LYPLAL1: variants seen among roughly 807,000 people sequenced by gnomAD.
The protein encoded by LYPLAL1 is lysophospholipase like 1, also known as lysophospholipase-like protein 1.
LYPLAL1 carries 23 observed loss-of-function variants against 19.7 expected under a neutral mutation model. The ratio of observed to expected loss-of-function variants is 1.17; its 90% CI spans 0.84 to 1.65. The LOEUF (loss-of-function observed/expected upper bound fraction) is 1.65. LYPLAL1 is among the 40% of genes most tolerant of loss of function. The probability of loss-of-function intolerance (pLI) is 0.00; values close to 1 mark genes in which losing one functional copy is unlikely to be tolerated. For synonymous variants in LYPLAL1, 119 were observed against 96.3 expected, an observed-to-expected ratio of 1.24 and a Z score of -1.38; for missense variants, 355 against 279.4, an observed-to-expected ratio of 1.27 and a Z score of -1.93.
chr1:219,371,943 T>A, the LYPLAL1 span, among the ~76,000 whole-genome samples: 1 of 152,186 alleles, frequency 6.6e-6, no homozygotes, highest in Admixed American at 6.5e-5. Context: ...TTTCCCAGGG[T>A]CTTCCTAACC....
At chr1:219,291,894 AAAAAG>A in the LYPLAL1 span, among the ~76,000 whole-genome samples, 7 of 152,176 alleles carry the variant, frequency 4.6e-5, no homozygotes, top group African/African-American at 1.7e-4. Context: ...GCAAAAAAAA[AAAAAG>A]AAAGAAAGAA....
At chr1:219,306,882 A>C in the LYPLAL1 span, among the ~76,000 whole-genome samples, 1 of 151,990 alleles carries the variant, frequency 6.6e-6, no homozygotes, top group Non-Finnish European at 1.5e-5. Flanking sequence ...ATAGATAGAG[A>C]TAGAAAGTAA....
the LYPLAL1 span, among the ~76,000 whole-genome samples, chr1:219,400,426 G>A: frequency 6.6e-6 from 1 of 151,884 alleles, no homozygotes; most frequent in Non-Finnish European, 1.5e-5. Context: ...AGCCTCCAAT[G>A]CCTGATTTCA....
the LYPLAL1 span, among the ~76,000 whole-genome samples, chr1:219,375,032 G>A: frequency 4.9e-3 from 744 of 152,246 alleles, 8 homozygotes; most frequent in African/African-American, 0.017. Context: ...CTTGCTGTGC[G>A]CATCAGGCAA....
chr1:219,295,719 T>A, the LYPLAL1 span, among the ~76,000 whole-genome samples: 1 of 152,174 alleles, frequency 6.6e-6, no homozygotes, highest in African/African-American at 2.4e-5. Context: ...CTACTCCAGC[T>A]ACCCACCAAA....
chr1:219,194,993 G>A (rs780894921), intron 3 of LYPLAL1, among the ~76,000 whole-genome samples: 41 of 152,026 alleles, frequency 2.7e-4, no homozygotes, highest in Non-Finnish European at 1.0e-4. Context: ...GCCACAGTAA[G>A]AGACTAGAAC....
At chr1:219,312,664 T>G in the LYPLAL1 span, among the ~76,000 whole-genome samples, 2 of 152,196 alleles carry the variant, frequency 1.3e-5, no homozygotes, top group Admixed American at 1.3e-4. Flanking sequence ...TTCTAAAGCA[T>G]TTTTGTGGGC....
chr1:219,279,488 T>C, the LYPLAL1 span, among the ~76,000 whole-genome samples: 4 of 152,224 alleles, frequency 2.6e-5, no homozygotes, highest in African/African-American at 9.6e-5. Flanking sequence ...TCTTTCAGCA[T>C]GAAAGACATT....
At chr1:219,297,090 C>G in the LYPLAL1 span, among the ~76,000 whole-genome samples, 1 of 152,188 alleles carries the variant, frequency 6.6e-6, no homozygotes, top group South Asian at 2.1e-4. Flanking sequence ...ATAGTCCAAA[C>G]TGATGTTTAT....
intron 3 of LYPLAL1, chr1:219,200,487 G>A (rs906844985): frequency 1.3e-5 from 2 of 158,042 alleles, no homozygotes; most frequent in African/African-American, 4.8e-5. Flanking sequence ...ATCACCCAAG[G>A]GTTGGACTGT....
At position 219,186,680 on chromosome 1, in the gene LYPLAL1, T is replaced by A. The variant is rs144167304; in HGVS notation, c.192-6402T>A. Among the ~76,000 whole-genome samples, 18 of 151,938 alleles carry A rather than the reference T, an allele frequency of 1.2e-4. No individual in the cohort carries two copies. The East Asian group carries it at 2.3e-3, about 20-fold the overall frequency. ...CACTTCATTTTTCATCCTTTTACTT[T>A]CTTTTGATTAGAGCTGTATGGTATG... On this transcript the variant is annotated intron_variant, in intron 2 of 4. Transcript: ENST00000366928.
At chr1:219,418,906 G>A in the LYPLAL1 span, among the ~76,000 whole-genome samples, 2 of 152,238 alleles carry the variant, frequency 1.3e-5, no homozygotes. Flanking sequence ...ATACAGCATG[G>A]AGCCTTTTCA....
chr1:219,445,459 A>T, the LYPLAL1 span, among the ~76,000 whole-genome samples: 2 of 151,858 alleles, frequency 1.3e-5, no homozygotes, highest in African/African-American at 4.8e-5. Flanking sequence ...TTGTAAGAGA[A>T]AAAAGGTGAA....
At chr1:219,373,876 A>C in the LYPLAL1 span, among the ~76,000 whole-genome samples, 42 of 15,648 alleles carry the variant, frequency 2.7e-3, no homozygotes, top group East Asian at 0.025. Context: ...AAAAAAAAAA[A>C]AAAAACAAAA....
the LYPLAL1 span, among the ~76,000 whole-genome samples, chr1:219,390,703 C>T: frequency 6.6e-6 from 1 of 152,182 alleles, no homozygotes; most frequent in East Asian, 1.9e-4. Context: ...GGCATTTAAG[C>T]ATTAACCATC....
At chr1:219,387,882 G>A in the LYPLAL1 span, among the ~76,000 whole-genome samples, 39,301 of 152,046 alleles carry the variant, frequency 0.26, 5,974 homozygotes, top group Admixed American at 0.35. Context: ...GAAGTATTTG[G>A]TATTTACAGT....
the LYPLAL1 span, among the ~76,000 whole-genome samples, chr1:219,233,212 G>A: frequency 2.0e-5 from 3 of 152,260 alleles, no homozygotes; most frequent in Non-Finnish European, 1.5e-5. Context: ...GACATGCTAC[G>A]ACATGGATGA....
the LYPLAL1 span, among the ~76,000 whole-genome samples, chr1:219,312,526 C>T: frequency 6.6e-6 from 1 of 152,102 alleles, no homozygotes; most frequent in African/African-American, 2.4e-5. Flanking sequence ...CCAGGGAGCC[C>T]TTGGGGCTGG....
intron 3 of LYPLAL1, among the ~76,000 whole-genome samples, chr1:219,209,096 G>A (rs908532157): frequency 1.3e-5 from 2 of 152,070 alleles, no homozygotes; most frequent in African/African-American, 2.4e-5. Context: ...CTAATTAGAT[G>A]TATCTACATC....
Sources: gnomAD v4.1 joint callset for allele counts (sites outside exome capture counted in the v4.1 genomes callset) on GRCh38, gnomAD v4.1.1 for gene constraint, MANE v1.5 for transcripts, NCBI Gene and HGNC (gene_info 2026-07-23, HGNC 2026-07-21) for gene names.